DHX57: variants seen among roughly 807,000 people sequenced by gnomAD.
DHX57 encodes the protein putative ATP-dependent RNA helicase DHX57.
A neutral mutation model predicts 156.2 loss-of-function variants in DHX57; 105 were observed. The ratio of observed to expected loss-of-function variants is 0.67; its 90% CI spans 0.57 to 0.79. DHX57 has a LOEUF of 0.79. Ranked by LOEUF, DHX57 falls within the 30% of genes least tolerant of loss-of-function variation. DHX57 has a pLI of 0.00. For synonymous variants in DHX57, 704 were observed against 595.6 expected (o/e 1.18, Z -2.65); for missense variants, 1,847 against 1,661.9 (o/e 1.11, Z -1.94).
chr2:38,806,828 T>C (rs557029021), intron 21 of DHX57, 135 bp from the exon 22 acceptor site: 51 of 907,316 alleles, frequency 5.6e-5, no homozygotes, highest in Non-Finnish European at 7.5e-5. Flanking sequence ...CCTTTCTTTC[T>C]TATTTTGTTT....
rs147731841 is a variant in DHX57, at chr2:38,855,240, G to T, written c.1722C>A (p.Thr574=). The part of the protein sequence containing the change: ...VISGMTGCGK[T]TQIPQFILDD... ...CCAGAATAAACTGCGGAATTTGTGT[G>T]GTTTTCCCACATCTGTACATTAAAA... Residue 574 remains threonine (T), a synonymous_variant, in exon 8 of 24, where the codon ACC becomes ACA. Transcript: ENST00000457308. 6.2e-7 allele frequency: 1 copy of T among 1,614,034 alleles called. No homozygotes were observed. The highest frequency in any genetic ancestry group is 2.2e-5 in the East Asian group (1 of 44,884).
chr2:38,855,894 C>A (rs1199479191), intron 7 of DHX57, among the ~76,000 whole-genome samples: 2 of 152,068 alleles, frequency 1.3e-5, no homozygotes, highest in Non-Finnish European at 2.9e-5. Flanking sequence ...GCCAGGAGTT[C>A]GAGACCAGCC....
chr2:38,852,605 A>AT lies in DHX57; in HGVS notation c.2030+1448dup, dbSNP rs542654940. On this transcript the variant is annotated intron_variant, in intron 9 of 23. Transcript: ENST00000457308. ...AGTACTTAAAATATTCAGACTTTTA[A>AT]TTTTTTTTTTTTTTTTTTTTAGAGA... Among the ~76,000 whole-genome samples, 805 of 130,998 alleles carry AT rather than the reference A, an allele frequency of 6.1e-3. 8 individuals carry two copies. Among genetic ancestry groups the AT allele is most frequent in the African/African-American group, 0.01 (376 of 35,824 alleles). The allele number at this position is 130,998 out of a possible 152,430, so 85.9% of individuals were successfully genotyped here. A position where few individuals can be genotyped will look rare whatever the true frequency, so the allele number is the denominator to read the frequency against.
chr2:38,816,881 C>G (rs1670572166), intron 19 of DHX57, among the ~76,000 whole-genome samples: 1 of 151,992 alleles, frequency 6.6e-6, no homozygotes, highest in African/African-American at 2.4e-5. Flanking sequence ...TCATAAGTCA[C>G]AGCAAAATCT....
chr2:38,825,766 A>G, intron 16 of DHX57, 81 bp downstream of exon 16: 1 of 1,424,126 alleles, frequency 7.0e-7, no homozygotes, highest in Non-Finnish European at 9.8e-7. Flanking sequence ...ATCTTCTAGA[A>G]GTAAAAGGAA....
intron 7 of DHX57, 112 bp downstream of exon 7, chr2:38,856,228 A>C: frequency 6.9e-7 from 1 of 1,448,558 alleles, no homozygotes; most frequent in Non-Finnish European, 9.1e-7. Context: ...GCAGATGTAT[A>C]TAATATCTAT....
intron 6 of DHX57, chr2:38,856,965 T>C (rs1003490116): frequency 1.3e-5 from 2 of 153,536 alleles, no homozygotes; most frequent in Non-Finnish European, 2.9e-5. Flanking sequence ...TTCCAACATC[T>C]GAATAAACCG....
intron 5 of DHX57, among the ~76,000 whole-genome samples, chr2:38,860,317 C>T (rs896315546): frequency 2.6e-5 from 4 of 152,110 alleles, no homozygotes; most frequent in Non-Finnish European, 4.4e-5. Flanking sequence ...GGCGTGGTGG[C>T]GGGTGCCTGT....
intron 23 of DHX57, among the ~76,000 whole-genome samples, chr2:38,800,213 G>T (rs1214102730): frequency 6.6e-6 from 1 of 150,588 alleles, no homozygotes; most frequent in East Asian, 1.9e-4. Flanking sequence ...AAATAGCCGG[G>T]CTTGGTGGTG....
At chr2:38,835,674 A>G (rs1439305247) in intron 13 of DHX57, among the ~76,000 whole-genome samples, 2 of 152,220 alleles carry the variant, frequency 1.3e-5, no homozygotes, top group Non-Finnish European at 2.9e-5. Flanking sequence ...GCTACGAAAG[A>G]GAATTCTGAT....
At chr2:38,815,226 C>A (rs1051796959) in intron 20 of DHX57, among the ~76,000 whole-genome samples, 9 of 151,968 alleles carry the variant, frequency 5.9e-5, no homozygotes, top group African/African-American at 2.2e-4. Flanking sequence ...CACCACCATG[C>A]CTGGCTAATT....
chr2:38,799,506 C>A (rs1229709121), intron 23 of DHX57, among the ~76,000 whole-genome samples: 1 of 148,118 alleles, frequency 6.8e-6, no homozygotes, highest in Non-Finnish European at 1.5e-5. Flanking sequence ...AATTCCAGCA[C>A]TTTGGGAGAC....
chr2:38,828,094 G>A (rs1671194832), intron 14 of DHX57, among the ~76,000 whole-genome samples: 1 of 152,132 alleles, frequency 6.6e-6, no homozygotes, highest in Non-Finnish European at 1.5e-5. Context: ...GACCTCAGGT[G>A]ATCCGCCCGC....
chr2:38,801,983 TGAA>T (rs1319373758), intron 23 of DHX57, among the ~76,000 whole-genome samples: 1 of 152,204 alleles, frequency 6.6e-6, no homozygotes, highest in East Asian at 1.9e-4. Flanking sequence ...TGAGAATAAA[TGAA>T]GAATTCAGAC....
At chr2:38,818,246 G>GC (rs1157646097) in intron 19 of DHX57, among the ~76,000 whole-genome samples, 1 of 152,104 alleles carries the variant, frequency 6.6e-6, no homozygotes, top group Non-Finnish European at 1.5e-5. Flanking sequence ...GCCTGGTGTA[G>GC]CCCGGTGTGG....
chr2:38,817,025 C>A (rs896427617), intron 19 of DHX57, among the ~76,000 whole-genome samples: 10 of 152,166 alleles, frequency 6.6e-5, no homozygotes, highest in African/African-American at 2.4e-4. Context: ...CAGCCCCCCA[C>A]CCACTTTTGA....
At chr2:38,827,505 AATATATAT>A (rs61667849) in intron 14 of DHX57, among the ~76,000 whole-genome samples, 7 of 10,152 alleles carry the variant, frequency 6.9e-4, no homozygotes, top group East Asian at 0.019. Context: ...AAAAAAAAAA[AATATATAT>A]ATATATATAT....
chr2:38,832,449 A>G (rs1289865785), intron 13 of DHX57, among the ~76,000 whole-genome samples: 1 of 152,138 alleles, frequency 6.6e-6, no homozygotes, highest in East Asian at 1.9e-4. Flanking sequence ...AAAAAAGAAA[A>G]GAAAACCACA....
chr2:38,848,692 C>T (rs1386697061), intron 9 of DHX57, among the ~76,000 whole-genome samples: 1 of 152,108 alleles, frequency 6.6e-6, no homozygotes, highest in Non-Finnish European at 1.5e-5. Context: ...GGGTCTAAAT[C>T]TAAACAAGAA....
Sources: gnomAD v4.1 joint callset for allele counts (sites outside exome capture counted in the v4.1 genomes callset) on GRCh38, gnomAD v4.1.1 for gene constraint, MANE v1.5 for transcripts, NCBI Gene and HGNC (gene_info 2026-07-23, HGNC 2026-07-21) for gene names.